Variants in ADGRG2 observed in about 807,000 individuals in gnomAD.
ADGRG2 encodes the protein G protein-coupled receptor 64.
A neutral mutation model predicts 74.1 loss-of-function variants in ADGRG2; 26 were observed. The ratio of observed to expected loss-of-function variants is 0.35; its 90% CI spans 0.26 to 0.49. The LOEUF (loss-of-function observed/expected upper bound fraction) is 0.49, where lower values mean the gene tolerates loss of function less well. ADGRG2 is among the 20% of genes least tolerant of loss of function. The pLI, the probability that ADGRG2 is intolerant of heterozygous loss-of-function variation, is 0.99. For synonymous variants in ADGRG2, 296 were observed against 295.2 expected, an observed-to-expected ratio of 1.00 and a Z score of -0.03; for missense variants, 619 against 763.1, an observed-to-expected ratio of 0.81 and a Z score of 2.22.
intron 8 of ADGRG2, chrX:19,031,639 G>A (rs1427128968): frequency 2.7e-5 from 3 of 112,021 alleles, no homozygotes; most frequent in Non-Finnish European, 5.6e-5. Flanking sequence ...TAAATAAAAA[G>A]CATTTTTTAA....
chrX:19,106,359 T>C (rs772438164), intron 1 of ADGRG2, among the ~76,000 whole-genome samples: 1 of 109,793 alleles, frequency 9.1e-6, no homozygotes, highest in Admixed American at 9.8e-5. Flanking sequence ...GGGCCAGGGA[T>C]GTTGAAACAG....
chrX:19,014,294 A>G (rs1239001712), intron 15 of ADGRG2, among the ~76,000 whole-genome samples: 1 of 110,801 alleles, frequency 9.0e-6, no homozygotes, highest in Admixed American at 9.6e-5. Flanking sequence ...GGAATGGGCA[A>G]GGAGAGATGC....
intron 4 of ADGRG2, 132 bp from the exon 5 acceptor site, chrX:19,037,768 C>A: frequency 2.2e-6 from 1 of 455,635 alleles, no homozygotes; most frequent in Non-Finnish European, 3.7e-6. Flanking sequence ...GTAGTTAAAT[C>A]TGCATGTCCC....
chrX:19,115,529 G>A lies in ADGRG2; in HGVS notation c.-47+6913C>T, dbSNP rs144667538. 4.9e-3 allele frequency among the ~76,000 whole-genome samples: 550 copies of A among 111,814 alleles called. 4 individuals carry two copies. The highest frequency in any genetic ancestry group is 0.017 in the African/African-American group (520 of 30,805). On this transcript the variant is annotated intron_variant, in intron 1 of 28. Coordinates refer to ENST00000379869, the MANE Select transcript of ADGRG2 (RefSeq NM_001079858.3). ...AGATGAAACAAAGAAACTATCTGGT[G>A]AAATGGTGTTCTGGGCAGGTAGCAC...
intron 1 of ADGRG2, among the ~76,000 whole-genome samples, chrX:19,110,708 A>AAC (rs1170814684): frequency 1.1e-4 from 9 of 85,278 alleles, no homozygotes; most frequent in African/African-American, 4.4e-4. Flanking sequence ...AAAACAAACA[A>AAC]AAAAAAAAAA....
intron 4 of ADGRG2, among the ~76,000 whole-genome samples, chrX:19,038,912 TA>T (rs1490382995): frequency 8.9e-6 from 1 of 111,940 alleles, no homozygotes; most frequent in African/African-American, 3.2e-5. Flanking sequence ...GCTTAACAAC[TA>T]GGGGGCAAAT....
chrX:19,020,497 T>C (rs2060566886), intron 14 of ADGRG2, among the ~76,000 whole-genome samples: 1 of 111,707 alleles, frequency 9.0e-6, no homozygotes, highest in South Asian at 3.8e-4. Flanking sequence ...AAACACCTAA[T>C]GCATGTAGGG....
chrX:19,053,617 G>A (rs2061362426), intron 3 of ADGRG2, among the ~76,000 whole-genome samples: 3 of 111,867 alleles, frequency 2.7e-5, no homozygotes, highest in African/African-American at 9.8e-5. Flanking sequence ...AAACAGGCAC[G>A]AAGATAAGTG....
At chrX:19,024,397 C>A (rs1424455256) in intron 11 of ADGRG2, among the ~76,000 whole-genome samples, 1 of 111,539 alleles carries the variant, frequency 9.0e-6, no homozygotes, top group Non-Finnish European at 1.9e-5. Context: ...GCTGCCTTCC[C>A]CTCCTCACAA....
chrX:19,087,184 A>C (rs1462985342), intron 1 of ADGRG2, among the ~76,000 whole-genome samples: 1 of 112,190 alleles, frequency 8.9e-6, no homozygotes, highest in East Asian at 2.8e-4. Flanking sequence ...TGGTTTGTTC[A>C]GTTCTGAATG....
At chrX:19,122,043 C>A (rs2062618752) in intron 1 of ADGRG2, among the ~76,000 whole-genome samples, 2 of 112,264 alleles carry the variant, frequency 1.8e-5, no homozygotes, top group African/African-American at 6.4e-5. Flanking sequence ...CCCGACCAGG[C>A]GCGCGGAGCC....
At chrX:19,098,345 T>C (rs972867701) in intron 1 of ADGRG2, among the ~76,000 whole-genome samples, 2 of 111,691 alleles carry the variant, frequency 1.8e-5, no homozygotes, top group African/African-American at 6.5e-5. Flanking sequence ...TAAAGTTATA[T>C]GGTTAGATTA....
intron 3 of ADGRG2, among the ~76,000 whole-genome samples, chrX:19,054,693 GT>G (rs1430664336): frequency 8.9e-6 from 1 of 112,184 alleles, no homozygotes; most frequent in Non-Finnish European, 1.9e-5. Flanking sequence ...AGCATGTGTG[GT>G]GGCTCCATAA....
rs1233414560 is a variant in ADGRG2 at position 19,044,506 on chromosome X, G to A, written c.119-4282C>T. The stretch of plus-strand genomic sequence containing the variant: ...CAGGTTCCAGGGATTTTAGGATGTG[G>A]ACATTTTTGGGGAGCCATCAGTCTT... On this transcript the variant is annotated intron_variant, in intron 3 of 28. Coordinates refer to ENST00000379869, the MANE Select transcript of ADGRG2 (RefSeq NM_001079858.3). Among the ~76,000 whole-genome samples the A allele has an allele frequency of 2.7e-5, 3 of 111,994 alleles. No individual in the cohort carries two copies. In the East Asian group the frequency reaches 8.4e-4, roughly 31 times the overall value.
At chrX:19,077,734 T>C (rs1191049573) in intron 2 of ADGRG2, among the ~76,000 whole-genome samples, 1 of 111,853 alleles carries the variant, frequency 8.9e-6, no homozygotes, top group Non-Finnish European at 1.9e-5. Context: ...TTAATGTGTT[T>C]ATACTAATAT....
chrX:19,038,022 C>T (rs1429472168), intron 4 of ADGRG2, among the ~76,000 whole-genome samples: 1 of 112,237 alleles, frequency 8.9e-6, no homozygotes, highest in Non-Finnish European at 1.9e-5. Context: ...CACGCTGGTG[C>T]CATTCTGTTA....
At chrX:19,115,251 T>C (rs1366756244) in intron 1 of ADGRG2, among the ~76,000 whole-genome samples, 2 of 111,270 alleles carry the variant, frequency 1.8e-5, no homozygotes, top group African/African-American at 6.5e-5. Flanking sequence ...ATTTGACACG[T>C]GGATAAAGCA....
chrX:19,105,950 AG>A (rs1311211353), intron 1 of ADGRG2, among the ~76,000 whole-genome samples: 6 of 98,947 alleles, frequency 6.1e-5, no homozygotes, highest in Middle Eastern at 4.9e-3. Context: ...AAAAAAAAAA[AG>A]AAGAAGAAGA....
At chrX:19,092,761 G>A (rs1378112557) in intron 1 of ADGRG2, among the ~76,000 whole-genome samples, 9 of 112,014 alleles carry the variant, frequency 8.0e-5, no homozygotes, top group Non-Finnish European at 1.9e-5. Context: ...TGTCTGGCGA[G>A]ATGGAGGAGG....
Sources: gnomAD v4.1 joint callset for allele counts (sites outside exome capture counted in the v4.1 genomes callset) on GRCh38, gnomAD v4.1.1 for gene constraint, MANE v1.5 for transcripts, NCBI Gene and HGNC (gene_info 2026-07-23, HGNC 2026-07-21) for gene names.